The following ST3GAL3 variants were observed in gnomAD, a reference collection of about 807,000 sequenced individuals.
ST3GAL3 encodes the protein ST3 beta-galactoside alpha-2,3-sialyltransferase 3.
In ST3GAL3, 21 loss-of-function variants were observed where a neutral mutation model predicts 50.1. The ratio of observed to expected loss-of-function variants is 0.42; its 90% CI spans 0.30 to 0.60. The LOEUF (loss-of-function observed/expected upper bound fraction) is 0.60. Ranked by LOEUF, ST3GAL3 falls within the 20% of genes least tolerant of loss-of-function variation. ST3GAL3 has a pLI of 0.19. For missense variants in ST3GAL3, 353 were observed against 489.4 expected, an observed-to-expected ratio of 0.72 and a Z score of 2.63; for synonymous variants, 183 against 190.0, an observed-to-expected ratio of 0.96 and a Z score of 0.30.
intron 9 of ST3GAL3, among the ~76,000 whole-genome samples, chr1:43,917,617 T>TTA (rs1553136524): frequency 1.8e-5 from 1 of 54,584 alleles, no homozygotes; most frequent in East Asian, 4.7e-4. Flanking sequence ...ATATTATATA[T>TTA]TATATTATAT....
At chr1:43,883,696 C>T (rs1220981156) in intron 5 of ST3GAL3, among the ~76,000 whole-genome samples, 2 of 152,144 alleles carry the variant, frequency 1.3e-5, no homozygotes, top group African/African-American at 2.4e-5. Context: ...TACAAGGGTG[C>T]GGGGTGGGGA....
intron 5 of ST3GAL3, among the ~76,000 whole-genome samples, chr1:43,883,457 G>A (rs1176582878): frequency 6.6e-6 from 1 of 152,252 alleles, no homozygotes; most frequent in Non-Finnish European, 1.5e-5. Flanking sequence ...GAAAGAGCAT[G>A]AACTGAGTGC....
chr1:43,750,908 A>T (rs2154109872), intron 2 of ST3GAL3, among the ~76,000 whole-genome samples: 2 of 152,302 alleles, frequency 1.3e-5, no homozygotes, highest in Admixed American at 1.3e-4. Flanking sequence ...TCTTTTATTA[A>T]AACTTCTGTT....
At chr1:43,780,450 C>A (rs1008769436) in intron 2 of ST3GAL3, among the ~76,000 whole-genome samples, 1 of 152,092 alleles carries the variant, frequency 6.6e-6, no homozygotes. Flanking sequence ...AAACTCAAAA[C>A]CTTTAGTTCT....
At chr1:43,870,388 G>A (rs954054956) in intron 5 of ST3GAL3, among the ~76,000 whole-genome samples, 12 of 152,336 alleles carry the variant, frequency 7.9e-5, no homozygotes, top group East Asian at 1.9e-4. Context: ...CCGCCAGGCC[G>A]TCACAATCAC....
chr1:43,775,500 T>C (rs888012457), intron 2 of ST3GAL3, among the ~76,000 whole-genome samples: 2 of 152,198 alleles, frequency 1.3e-5, no homozygotes, highest in Non-Finnish European at 2.9e-5. Context: ...CCCAAAGTGC[T>C]GGGATTACAG....
chr1:43,721,581 G>A (rs1012271922), intron 1 of ST3GAL3, among the ~76,000 whole-genome samples: 1 of 151,946 alleles, frequency 6.6e-6, no homozygotes, highest in Non-Finnish European at 1.5e-5. Context: ...TGGGATTACA[G>A]GCATGAGCCA....
Position 43,755,922 on chromosome 1 carries a change from C to A in ST3GAL3, c.118+19542C>A, listed in dbSNP as rs143421835. Among the ~76,000 whole-genome samples, 1,444 of 151,752 alleles carry A rather than the reference C, an allele frequency of 9.5e-3. 17 individuals are homozygous for A. The highest frequency in any genetic ancestry group is 0.033 in the African/African-American group (1,383 of 41,398). ...CCAGCCTGGGCAACATAGTGAGACA[C>A]CCATCTCTACAAAAACTGAAAATAA... On this transcript the variant is annotated intron_variant, in intron 2 of 11. Transcript: ENST00000347631.
chr1:43,794,088 A>G (rs1364555112), intron 3 of ST3GAL3, among the ~76,000 whole-genome samples: 2 of 4,812 alleles, frequency 4.2e-4, no homozygotes, highest in Non-Finnish European at 1.0e-3. Context: ...TGTCTCTGGA[A>G]AAAAAAAAAA....
intron 1 of ST3GAL3, among the ~76,000 whole-genome samples, chr1:43,710,145 C>T (rs1349011135): frequency 1.3e-5 from 2 of 152,016 alleles, no homozygotes; most frequent in African/African-American, 4.8e-5. Flanking sequence ...GCAGTGGCCC[C>T]ATCTCAGCCC....
intron 3 of ST3GAL3, among the ~76,000 whole-genome samples, chr1:43,803,615 G>A (rs906295565): frequency 6.6e-6 from 1 of 152,034 alleles, no homozygotes; most frequent in Non-Finnish European, 1.5e-5. Flanking sequence ...TTAATGCATG[G>A]GATCCTTTTG....
chr1:43,897,787 TCTC>T (rs2077602693), intron 6 of ST3GAL3, among the ~76,000 whole-genome samples: 2 of 152,150 alleles, frequency 1.3e-5, no homozygotes, highest in African/African-American at 2.4e-5. Context: ...TTGCTGGGTG[TCTC>T]CTCATTTGTT....
At chr1:43,807,892 GA>G (rs1380306485) in intron 3 of ST3GAL3, among the ~76,000 whole-genome samples, 1 of 152,148 alleles carries the variant, frequency 6.6e-6, no homozygotes, top group Non-Finnish European at 1.5e-5. Context: ...GGGAAATCCA[GA>G]AAGAGGTTCT....
chr1:43,894,423 C>G lies in ST3GAL3; in HGVS notation c.343C>G (p.Arg115Gly), dbSNP rs948699026. ...ACCCATGTTCCTGGATGACTCCTTT[C>G]GCAAGTGGGCTAGAATCCGGGAGTT... ...PAPMFLDDSF[R>G]KWARIREFVP... is the part of the protein sequence containing the mutation. The change falls in exon 6 of 12, where the codon CGC becomes GGC. Residue 115 changes from arginine to glycine, a missense_variant. Physicochemically the swap from Arg to Gly is moderately radical, Grantham distance 125. Coordinates refer to ENST00000347631, the MANE Select transcript of ST3GAL3 (RefSeq NM_006279.5). 8 of 1,614,048 alleles carry G rather than the reference C, an allele frequency of 5.0e-6. No homozygotes were observed. The highest frequency in any genetic ancestry group is 6.8e-6 in the Non-Finnish European group (8 of 1,180,032).
chr1:43,770,443 A>G (rs3791047), intron 2 of ST3GAL3, among the ~76,000 whole-genome samples: 43,454 of 152,014 alleles, frequency 0.29, 6,387 homozygotes, highest in Middle Eastern at 0.31. Flanking sequence ...AGATGGGACT[A>G]GTGACAAAAA....
chr1:43,817,761 T>G lies in ST3GAL3; in HGVS notation c.209+2828T>G. ...TCCTCCTCCTTCTTCCTCCTCTTCT[T>G]CCTCTTCTTCTTCTCCTCCTTCTTC... On this transcript the variant is annotated intron_variant, in intron 4 of 11. Coordinates refer to ENST00000347631, the MANE Select transcript of ST3GAL3 (RefSeq NM_006279.5). Among the ~76,000 whole-genome samples the G allele has an allele frequency of 4.7e-5, 2 of 42,644 alleles. 1 individual carries two copies. Among genetic ancestry groups the G allele is most frequent in the Admixed American group, 3.6e-4 (2 of 5,566 alleles). 28.0% of individuals were successfully genotyped at this position (42,644 alleles called of 152,430 possible).
intron 2 of ST3GAL3, among the ~76,000 whole-genome samples, chr1:43,751,188 G>A (rs538810363): frequency 7.9e-5 from 12 of 152,220 alleles, no homozygotes; most frequent in East Asian, 3.9e-4. Context: ...ATGATGGTAC[G>A]TAATTGTTAT....
At chr1:43,773,470 A>G (rs1021983104) in intron 2 of ST3GAL3, among the ~76,000 whole-genome samples, 4 of 152,218 alleles carry the variant, frequency 2.6e-5, no homozygotes, top group Non-Finnish European at 5.9e-5. Flanking sequence ...AAAAGTTGAA[A>G]GAACAAGCTG....
chr1:43,786,025 T>G (rs963225067), intron 2 of ST3GAL3, among the ~76,000 whole-genome samples: 1 of 152,156 alleles, frequency 6.6e-6, no homozygotes. Flanking sequence ...CATTTTTTTT[T>G]GGCATTTCTC....
Sources: allele counts gnomAD v4.1 joint callset (sites outside exome capture counted in the v4.1 genomes callset), GRCh38; gene constraint gnomAD v4.1.1; transcripts MANE v1.5; gene names NCBI Gene and HGNC (gene_info 2026-07-23, HGNC 2026-07-21).